Variants in DCUN1D4 observed in about 807,000 individuals in gnomAD.
The protein encoded by DCUN1D4 is DCN1-like protein 4.
In DCUN1D4, 22 loss-of-function variants were observed where a neutral mutation model predicts 47.9. The ratio of observed to expected loss-of-function variants is 0.46; its 90% CI spans 0.33 to 0.66. The LOEUF is 0.66. Ranked by LOEUF, DCUN1D4 falls within the 30% of genes least tolerant of loss-of-function variation. The pLI is 0.02. For synonymous variants in DCUN1D4, 121 were observed against 112.2 expected (o/e 1.08, Z -0.50); for missense variants, 301 against 340.8 (o/e 0.88, Z 0.92).
intron 8 of DCUN1D4, among the ~76,000 whole-genome samples, chr4:51,900,150 G>A (rs1731880384): frequency 6.6e-6 from 1 of 151,918 alleles, no homozygotes; most frequent in South Asian, 2.1e-4. Context: ...TTTTTTTTAA[G>A]GCAGAGAACT....
intron 1 of DCUN1D4, chr4:51,844,373 G>C: frequency 1.0e-6 from 1 of 984,950 alleles, no homozygotes; most frequent in Non-Finnish European, 1.2e-6. Context: ...AACTGGCCGT[G>C]GTTCCCCCCG....
chr4:51,880,686 T>C (rs764955601), intron 5 of DCUN1D4, among the ~76,000 whole-genome samples: 1 of 152,230 alleles, frequency 6.6e-6, no homozygotes, highest in Admixed American at 6.5e-5. Context: ...CTGGGGGCTT[T>C]TCCTCCTGTT....
At chr4:51,834,103 C>CTTTTTTTTTTTT in the DCUN1D4 span, among the ~76,000 whole-genome samples, 142 of 42,552 alleles carry the variant, frequency 3.3e-3, 23 homozygotes, top group African/African-American at 9.1e-3. Context: ...TTTCTTCTTT[C>CTTTTTTTTTTTT]TTTTTTTTTT....
At chr4:51,869,123 CAAA>C (rs531280197) in intron 3 of DCUN1D4, among the ~76,000 whole-genome samples, 1 of 38,588 alleles carries the variant, frequency 2.6e-5, no homozygotes, top group Non-Finnish European at 5.0e-5. Flanking sequence ...GACTCCATCT[CAAA>C]AAAAAAAAAA....
In DCUN1D4 at chr4:51,877,760, C is replaced by A; in HGVS notation, c.252-3C>A. On this transcript the variant is annotated splice_region_variant and splice_polypyrimidine_tract_variant and intron_variant, in intron 4 of 10. Transcript: ENST00000334635. ...AACTTAAAACTGCCTTTTCAATTTC[C>A]AGCATGTATAGAAAATATGATTCGA... 6.3e-7 allele frequency: 1 copy of A among 1,590,172 alleles called. No individual in the cohort carries two copies. Among genetic ancestry groups the A allele is most frequent in the Non-Finnish European group, 8.6e-7 (1 of 1,167,698 alleles).
chr4:51,870,459 TGGTGTTTTATTTACTCATA>T (rs1419259129), intron 3 of DCUN1D4, among the ~76,000 whole-genome samples: 1 of 152,148 alleles, frequency 6.6e-6, no homozygotes, highest in Non-Finnish European at 1.5e-5. Context: ...TCTGAAATGA[TGGTGTTTTATTTACTCATA>T]GGTGTTTTAA....
chr4:51,834,105 T>TTTTTTTTC, the DCUN1D4 span, among the ~76,000 whole-genome samples: 1 of 120,832 alleles, frequency 8.3e-6, no homozygotes. Context: ...TCTTCTTTCT[T>TTTTTTTTC]TTTTTTTTCT....
At chr4:51,860,666 G>C (rs1724910672) in intron 1 of DCUN1D4, 1 of 454,694 alleles carries the variant, frequency 2.2e-6, no homozygotes, top group East Asian at 7.0e-5. Flanking sequence ...GAGAAAGGGT[G>C]AGAGGAGGTG....
chr4:51,878,926 GCCTTGCCCC>G (rs2110003083), intron 5 of DCUN1D4, among the ~76,000 whole-genome samples: 1 of 152,222 alleles, frequency 6.6e-6, no homozygotes, highest in South Asian at 2.1e-4. Context: ...TGTGATAAGA[GCCTTGCCCC>G]TGTTGGCCAC....
In DCUN1D4 at chr4:51,852,018, C is replaced by T. The variant is rs572936099; in HGVS notation, c.25+8751C>T. The stretch of plus-strand genomic sequence containing the variant: ...GGAACACTGCATGTATATTGGAATT[C>T]TTTTTTTTTCTTTTGTCACTGGCCT... On this transcript the variant is annotated intron_variant, in intron 1 of 10. Transcript: ENST00000334635. 5.9e-5 allele frequency among the ~76,000 whole-genome samples: 9 copies of T among 151,632 alleles called. No individual in the cohort carries two copies. The East Asian group carries it at 1.7e-3, about 29-fold the overall frequency.
intron 5 of DCUN1D4, among the ~76,000 whole-genome samples, chr4:51,881,674 AAAAC>A (rs1456179001): frequency 6.6e-6 from 1 of 151,476 alleles, no homozygotes; most frequent in African/African-American, 2.4e-5. Context: ...AAAAAAAAAA[AAAAC>A]AAGAAAAAAA....
At chr4:51,842,231 G>A (rs1721720773), upstream of DCUN1D4, among the ~76,000 whole-genome samples, 1 of 152,094 alleles carries the variant, frequency 6.6e-6, no homozygotes, top group South Asian at 2.1e-4. Flanking sequence ...GATGCCGCCG[G>A]GGGTCTTTCA....
intron 4 of DCUN1D4, chr4:51,875,065 G>A (rs541030461): frequency 6.6e-6 from 1 of 152,204 alleles, no homozygotes; most frequent in African/African-American, 2.4e-5. Context: ...GGCTTTGTGG[G>A]TCATATCACT....
At position 51,871,132 on chromosome 4, in the gene DCUN1D4, T is replaced by TG. The variant is rs547134109; in HGVS notation, c.137-3139_137-3138insG. ...ACACTGATGATTAGAGTGGAGAGAT[T>TG]AAAAAAAAAAAAAAAGTCATGCCTC... On this transcript the variant is annotated intron_variant, in intron 3 of 10. Transcript: ENST00000334635. 5.0e-5 allele frequency among the ~76,000 whole-genome samples: 7 copies of TG among 139,398 alleles called. No homozygotes were observed. In the East Asian group the frequency reaches 1.5e-3, roughly 29 times the overall value. The allele number at this position is 139,398 out of a possible 152,430, so 91.5% of individuals were successfully genotyped here.
intron 5 of DCUN1D4, 47 bp from the exon 6 acceptor site, chr4:51,886,521 A>ATG: frequency 6.6e-7 from 1 of 1,526,348 alleles, no homozygotes; most frequent in Non-Finnish European, 9.1e-7. Context: ...TGGTAATAGT[A>ATG]TGGTGTGCAT....
intron 8 of DCUN1D4, among the ~76,000 whole-genome samples, chr4:51,900,805 T>C (rs1043240252): frequency 1.3e-5 from 2 of 152,152 alleles, no homozygotes; most frequent in African/African-American, 2.4e-5. Flanking sequence ...CTGTTTCTTA[T>C]AGTATGGGTA....
At chr4:51,858,993 A>G (rs1724579639) in intron 1 of DCUN1D4, among the ~76,000 whole-genome samples, 1 of 152,178 alleles carries the variant, frequency 6.6e-6, no homozygotes. Flanking sequence ...GTTCATCCTC[A>G]TTCTTTTTCA....
upstream of DCUN1D4, among the ~76,000 whole-genome samples, chr4:51,842,302 C>A (rs1332846955): frequency 6.6e-6 from 1 of 152,114 alleles, no homozygotes; most frequent in East Asian, 1.9e-4. Flanking sequence ...CAGCTCAGAG[C>A]GCGGCCCTGT....
rs556750620 is a variant in DCUN1D4, at chr4:51,910,513, A to G, written c.616-557A>G. Reference sequence around the variant, plus strand: ...TCCACCAGAGTGGGTAGATGAATCTATCCTCTGATTTAGAGAGACACTTCA... The same window carrying G: ...TCCACCAGAGTGGGTAGATGAATCTGTCCTCTGATTTAGAGAGACACTTCA... On this transcript the variant is annotated intron_variant, in intron 8 of 10. Transcript: ENST00000334635. Among the ~76,000 whole-genome samples, 7 of 152,294 alleles carry G rather than the reference A, an allele frequency of 4.6e-5. No homozygotes were observed. In the South Asian group the frequency reaches 8.3e-4, roughly 18 times the overall value.
Sources: allele counts gnomAD v4.1 joint callset (sites outside exome capture counted in the v4.1 genomes callset), GRCh38; gene constraint gnomAD v4.1.1; transcripts MANE v1.5; gene names NCBI Gene and HGNC (gene_info 2026-07-23, HGNC 2026-07-21).